Variants in CA10 observed in about 807,000 individuals in gnomAD.
CA10 encodes the protein carbonic anhydrase-related protein 10.
In CA10, 14 loss-of-function variants were observed where a neutral mutation model predicts 44.2. That is an observed-to-expected ratio of 0.32 (90% CI 0.21 to 0.50). CA10 has a LOEUF of 0.50. CA10 is among the 20% of genes least tolerant of loss of function. The pLI, the probability that CA10 is intolerant of heterozygous loss-of-function variation, is 0.99. For synonymous variants in CA10, 159 were observed against 141.6 expected (o/e 1.12, Z -0.87); for missense variants, 350 against 409.7 (o/e 0.85, Z 1.26).
At position 52,158,263 on chromosome 17, in the gene CA10, C is replaced by G. The variant is rs1257002126; in HGVS notation, c.-477G>C. ...ATTCCGGGCTCCCGGGAGCGCGTAG[C>G]TCGCTGGCTAAGCCCAGGCAGTCCG... On this transcript the variant is annotated 5_prime_UTR_variant, in exon 1 of 9. Transcript: ENST00000451037. 4.4e-6 allele frequency: 1 copy of G among 226,804 alleles called. No homozygotes were observed. The allele number at this position is 226,804 out of a possible 1,614,324, so 14.0% of individuals were successfully genotyped here.
Position 51,658,134 on chromosome 17 carries a change from C to T in CA10, c.466-4398G>A, listed in dbSNP as rs1913864260. On this transcript the variant is annotated intron_variant, in intron 4 of 8. Coordinates refer to ENST00000451037, the MANE Select transcript of CA10 (RefSeq NM_020178.5). Reference sequence around the variant, plus strand: ...CATGATGCTCCCACATGGCTGGTGCCATGATGCAGTGCATTCTCTATATCT... The same window carrying T: ...CATGATGCTCCCACATGGCTGGTGCTATGATGCAGTGCATTCTCTATATCT... 2.0e-5 allele frequency among the ~76,000 whole-genome samples: 3 copies of T among 152,312 alleles called. No homozygotes were observed. The South Asian group carries it at 6.2e-4, about 32-fold the overall frequency.
At chr17:52,081,268 AT>A (rs752251113) in intron 1 of CA10, among the ~76,000 whole-genome samples, 12 of 152,180 alleles carry the variant, frequency 7.9e-5, no homozygotes, top group African/African-American at 2.2e-4. Flanking sequence ...TTAAATAAAA[AT>A]AATTGGCTTC....
intron 4 of CA10, among the ~76,000 whole-genome samples, chr17:51,721,237 C>T (rs1178575612): frequency 1.3e-5 from 2 of 152,092 alleles, no homozygotes; most frequent in Admixed American, 6.5e-5. Flanking sequence ...GAGGCTGAGG[C>T]TGGAGAATCA....
chr17:52,071,698 T>C (rs1987683981), intron 2 of CA10, among the ~76,000 whole-genome samples: 1 of 152,150 alleles, frequency 6.6e-6, no homozygotes, highest in South Asian at 2.1e-4. Flanking sequence ...CTTTTTCTCT[T>C]GCCTCGCTTT....
intron 2 of CA10, among the ~76,000 whole-genome samples, chr17:51,998,732 A>T (rs1985323545): frequency 6.6e-6 from 1 of 152,002 alleles, no homozygotes; most frequent in Non-Finnish European, 1.5e-5. Context: ...GTGTAGTTTA[A>T]TTCCACTTTA....
At chr17:52,075,280 G>C (rs2143149450) in intron 1 of CA10, among the ~76,000 whole-genome samples, 1 of 152,032 alleles carries the variant, frequency 6.6e-6, no homozygotes, top group South Asian at 2.1e-4. Flanking sequence ...TGAAGAAGTT[G>C]GATGCTTAAT....
At chr17:52,041,698 A>T (rs1986772998) in intron 2 of CA10, among the ~76,000 whole-genome samples, 1 of 152,116 alleles carries the variant, frequency 6.6e-6, no homozygotes, top group Non-Finnish European at 1.5e-5. Flanking sequence ...TTGTAATGAA[A>T]GTCTGTACTC....
chr17:52,092,224 T>C (rs1367822089), intron 1 of CA10, among the ~76,000 whole-genome samples: 1 of 152,224 alleles, frequency 6.6e-6, no homozygotes, highest in Non-Finnish European at 1.5e-5. Context: ...TTCTTTCTTG[T>C]CCACAGAATT....
chr17:51,961,159 C>T (rs1213982330), intron 2 of CA10, among the ~76,000 whole-genome samples: 1 of 148,928 alleles, frequency 6.7e-6, no homozygotes, highest in African/African-American at 2.5e-5. Context: ...CAATTTCCTG[C>T]CCCTACTCTC....
chr17:51,720,577 A>G (rs898335491), intron 4 of CA10, among the ~76,000 whole-genome samples: 1 of 152,230 alleles, frequency 6.6e-6, no homozygotes, highest in Non-Finnish European at 1.5e-5. Flanking sequence ...GGAATACTAT[A>G]CAGCCTTAAA....
intron 3 of CA10, among the ~76,000 whole-genome samples, chr17:51,779,080 G>A (rs1221912536): frequency 6.6e-6 from 1 of 152,136 alleles, no homozygotes; most frequent in Non-Finnish European, 1.5e-5. Flanking sequence ...TAATACTGAA[G>A]CCCTCAGAAC....
intron 2 of CA10, among the ~76,000 whole-genome samples, chr17:51,935,455 C>T (rs1335342504): frequency 1.3e-5 from 2 of 152,150 alleles, no homozygotes; most frequent in African/African-American, 2.4e-5. Context: ...TGAATTCCAT[C>T]ATCCTTGGCA....
chr17:51,719,372 G>A (rs917316537), intron 4 of CA10, among the ~76,000 whole-genome samples: 11 of 152,312 alleles, frequency 7.2e-5, no homozygotes, highest in African/African-American at 2.6e-4. Context: ...TTGCTGAAAA[G>A]TAGACTAGAA....
chr17:51,805,194 C>T (rs1408107349), intron 3 of CA10, among the ~76,000 whole-genome samples: 1 of 152,196 alleles, frequency 6.6e-6, no homozygotes, highest in Non-Finnish European at 1.5e-5. Context: ...GTTAACATGC[C>T]ATGTTCTTTC....
intron 1 of CA10, among the ~76,000 whole-genome samples, chr17:52,111,666 G>C (rs528122198): frequency 6.6e-6 from 1 of 152,300 alleles, no homozygotes; most frequent in Non-Finnish European, 1.5e-5. Flanking sequence ...AGAGAGCTGG[G>C]TTGGTCATCA....
chr17:51,792,614 A>G (rs2143700102), intron 3 of CA10, among the ~76,000 whole-genome samples: 1 of 152,316 alleles, frequency 6.6e-6, no homozygotes, highest in East Asian at 1.9e-4. Flanking sequence ...AAAATAAATG[A>G]ACCGGTAGCT....
intron 2 of CA10, among the ~76,000 whole-genome samples, chr17:51,956,409 C>T (rs1983666912): frequency 6.6e-6 from 1 of 152,154 alleles, no homozygotes; most frequent in African/African-American, 2.4e-5. Flanking sequence ...ATCAGCTGTA[C>T]ATATTTTGAT....
chr17:51,741,006 T>C (rs1434396753), intron 4 of CA10, among the ~76,000 whole-genome samples: 1 of 152,132 alleles, frequency 6.6e-6, no homozygotes, highest in Non-Finnish European at 1.5e-5. Flanking sequence ...ATTATCTGTC[T>C]CCCCCCGCTA....
At position 51,997,232 on chromosome 17, in the gene CA10, A is replaced by G. The variant is rs373363568; in HGVS notation, c.137-66100T>C. On this transcript the variant is annotated intron_variant, in intron 2 of 8. Transcript: ENST00000451037. ...GCTAATTTACCATTGTAGATCTATT[A>G]TTTGTTGGCTATATTTTTCTGCACT... Among the ~76,000 whole-genome samples, 4 of 151,916 alleles carry G rather than the reference A, an allele frequency of 2.6e-5. No individual in the cohort carries two copies. In the East Asian group the frequency reaches 7.8e-4, roughly 30 times the overall value.
Sources: allele counts gnomAD v4.1 joint callset (sites outside exome capture counted in the v4.1 genomes callset), GRCh38; gene constraint gnomAD v4.1.1; transcripts MANE v1.5; gene names NCBI Gene and HGNC (gene_info 2026-07-23, HGNC 2026-07-21).